SEC24D: variants seen among roughly 807,000 people sequenced by gnomAD.
SEC24D encodes SEC24 homolog D, COPII component, also known as protein transport protein Sec24D.
Under a neutral mutation model 116.9 loss-of-function variants are expected in SEC24D, and 69 were observed. The observed-to-expected ratio is 0.59, with a 90% CI of 0.49 to 0.72. The LOEUF (loss-of-function observed/expected upper bound fraction) is 0.72, where lower values mean the gene tolerates loss of function less well. Among genes scored for constraint, SEC24D ranks in the 30% least tolerant of loss-of-function variants. The pLI, the probability that SEC24D is intolerant of heterozygous loss-of-function variation, is 0.00. For synonymous variants in SEC24D, 405 were observed against 442.8 expected, an observed-to-expected ratio of 0.91 and a Z score of 1.07; for missense variants, 1,131 against 1,264.1, an observed-to-expected ratio of 0.89 and a Z score of 1.60.
chr4:118,757,454 T>C (rs1241784984), intron 11 of SEC24D, among the ~76,000 whole-genome samples: 11 of 152,212 alleles, frequency 7.2e-5, no homozygotes, highest in South Asian at 6.2e-4. Context: ...CCTACCACAC[T>C]GTTGGGATTC....
At position 118,744,091 on chromosome 4, in the gene SEC24D, G is replaced by C. The variant is rs757967628; in HGVS notation, c.1892C>G (p.Ser631Cys). 6.2e-7 allele frequency: 1 copy of C among 1,613,444 alleles called. No homozygotes were observed. Reference protein sequence around the residue: ...LAKDCVAHGCSVTLFLFPSQY... With the variant: ...LAKDCVAHGCCVTLFLFPSQY... Reference sequence around the variant, plus strand: ...ACTAGGAAAGAGGAAGAGTGTCACAGAGCAGCCGTGAGCCACGCAGTCCTT... The same window carrying C: ...ACTAGGAAAGAGGAAGAGTGTCACACAGCAGCCGTGAGCCACGCAGTCCTT... Residue 631 changes from serine (S) to cysteine (C), a missense_variant, in exon 15 of 23, where the codon TCT (serine) becomes TGT (cysteine). Transcript: ENST00000280551.
In SEC24D at chr4:118,752,715, G is replaced by T; in HGVS notation, c.1595C>A (p.Ser532Tyr). 1 of 1,602,340 alleles carries T rather than the reference G, an allele frequency of 6.2e-7. No individual in the cohort carries two copies. Among genetic ancestry groups the T allele is most frequent in the Non-Finnish European group, 8.5e-7 (1 of 1,176,114 alleles). The change falls in exon 12 of 23, where the codon TCC becomes TAC. Residue 532 changes from serine (S) to tyrosine (Y), a missense_variant. Physicochemically the swap from Ser to Tyr is moderately radical, Grantham distance 144. Coordinates refer to ENST00000280551, the MANE Select transcript of SEC24D (RefSeq NM_014822.4). ...LDGFLVNYQE[S>Y]QSVIHNLLDQ... ...TATTTACTTATGAATCACAGATTGGGATTCTTGATAGTTGACAAGGAAACC... is the reference window on the plus strand; with the variant it reads ...TATTTACTTATGAATCACAGATTGGTATTCTTGATAGTTGACAAGGAAACC...
At chr4:118,798,875 G>A (rs1210188409) in intron 7 of SEC24D, among the ~76,000 whole-genome samples, 1 of 152,262 alleles carries the variant, frequency 6.6e-6, no homozygotes, top group East Asian at 1.9e-4. Flanking sequence ...GGCCCATGGA[G>A]CTGGAATGGA....
At chr4:118,750,145 CTA>C (rs1251552393) in intron 13 of SEC24D, among the ~76,000 whole-genome samples, 3 of 152,166 alleles carry the variant, frequency 2.0e-5, no homozygotes, top group Admixed American at 6.5e-5. Context: ...GAGTTGGACT[CTA>C]GTAAACTGGC....
chr4:118,740,571 G>T, intron 17 of SEC24D, 92 bp downstream of exon 17: 1 of 1,392,316 alleles, frequency 7.2e-7, no homozygotes, highest in South Asian at 1.3e-5. Flanking sequence ...TTTATGAAGA[G>T]ACTAACACAT....
At chr4:118,742,276 G>A (rs1346316243) in intron 15 of SEC24D, among the ~76,000 whole-genome samples, 3 of 151,932 alleles carry the variant, frequency 2.0e-5, no homozygotes, top group Non-Finnish European at 4.4e-5. Flanking sequence ...CTACCATGTA[G>A]ATGATCACAC....
chr4:118,759,070 C>G (rs948348700), intron 10 of SEC24D, among the ~76,000 whole-genome samples: 4 of 152,202 alleles, frequency 2.6e-5, no homozygotes, highest in Non-Finnish European at 2.9e-5. Flanking sequence ...TTCTTTTAAT[C>G]TCTTCTATCA....
At chr4:118,793,539 G>A (rs1729040541) in intron 8 of SEC24D, among the ~76,000 whole-genome samples, 1 of 151,024 alleles carries the variant, frequency 6.6e-6, no homozygotes, top group Admixed American at 6.6e-5. Flanking sequence ...CTAGCTAGCT[G>A]GTGTAGTAGA....
intron 7 of SEC24D, among the ~76,000 whole-genome samples, chr4:118,802,004 G>C (rs960832415): frequency 6.6e-6 from 1 of 152,180 alleles, no homozygotes; most frequent in Non-Finnish European, 1.5e-5. Context: ...CTCCAGGAAA[G>C]GGCTTAGAAA....
intron 8 of SEC24D, among the ~76,000 whole-genome samples, chr4:118,779,309 T>A (rs1276022471): frequency 1.3e-5 from 2 of 152,222 alleles, no homozygotes; most frequent in Non-Finnish European, 2.9e-5. Context: ...GTTTTTAGCA[T>A]GAAGGGTTGT....
chr4:118,825,564 A>G, intron 2 of SEC24D: 1 of 456,228 alleles, frequency 2.2e-6, no homozygotes, highest in East Asian at 6.9e-5. Flanking sequence ...CTGGTTACTT[A>G]TTAGTTGTAT....
At chr4:118,790,607 T>C (rs939914034) in intron 8 of SEC24D, among the ~76,000 whole-genome samples, 1 of 151,990 alleles carries the variant, frequency 6.6e-6, no homozygotes, top group African/African-American at 2.4e-5. Flanking sequence ...AAACGTATGG[T>C]AAGGAATACG....
chr4:118,740,584 G>T, intron 17 of SEC24D, 79 bp downstream of exon 17: 1 of 1,450,410 alleles, frequency 6.9e-7, no homozygotes, highest in Non-Finnish European at 9.5e-7. Context: ...TAACACATTT[G>T]ATGGTATTTC....
chr4:118,761,701 T>C (rs1727384411), intron 10 of SEC24D, among the ~76,000 whole-genome samples: 1 of 152,244 alleles, frequency 6.6e-6, no homozygotes, highest in Admixed American at 6.5e-5. Flanking sequence ...ATTATCCTGG[T>C]CCATGTCACT....
chr4:118,821,009 C>T (rs1730379041), intron 3 of SEC24D, among the ~76,000 whole-genome samples: 1 of 152,104 alleles, frequency 6.6e-6, no homozygotes, highest in Non-Finnish European at 1.5e-5. Context: ...TTCAAGTTTG[C>T]AATAAATTGC....
chr4:118,724,283 G>GAA (rs991987594), intron 22 of SEC24D, among the ~76,000 whole-genome samples: 4 of 152,080 alleles, frequency 2.6e-5, no homozygotes, highest in African/African-American at 9.7e-5. Context: ...AACACACAGG[G>GAA]AAAACAGGGA....
intron 8 of SEC24D, among the ~76,000 whole-genome samples, chr4:118,794,046 G>A (rs962219850): frequency 6.6e-6 from 1 of 152,212 alleles, no homozygotes; most frequent in African/African-American, 2.4e-5. Context: ...AGATGAAAAT[G>A]CAGCACAAGT....
rs960645953 is a variant in SEC24D, at chr4:118,731,389, C to G, written c.2795G>C (p.Gly932Ala). ...GATCAGTTCTGGTGGGCTGCTTACTCCCAACCACAGGAACATGTGTAGACC... is the reference window on the plus strand; with the variant it reads ...GATCAGTTCTGGTGGGCTGCTTACTGCCAACCACAGGAACATGTGTAGACC... ...ANGLHMFLWLGVSSPPELIQG... is the reference protein window; with the variant it reads ...ANGLHMFLWLAVSSPPELIQG... The change falls in exon 21 of 23, where the codon GGA becomes GCA. Residue 932 changes from glycine (G) to alanine (A), a missense_variant. Gly to Ala is a moderately conservative substitution (Grantham distance 60). Transcript: ENST00000280551. 6.2e-7 allele frequency: 1 copy of G among 1,613,980 alleles called. No homozygotes were observed. The highest frequency in any genetic ancestry group is 1.3e-5 in the African/African-American group (1 of 74,926).
intron 6 of SEC24D, 64 bp from the exon 7 acceptor site, chr4:118,806,018 G>A: frequency 9.7e-7 from 1 of 1,034,252 alleles, no homozygotes; most frequent in Non-Finnish European, 1.5e-6. Flanking sequence ...ATTCCATTTA[G>A]AGAGTACCCT....
Sources: gnomAD v4.1 joint callset for allele counts (sites outside exome capture counted in the v4.1 genomes callset) on GRCh38, gnomAD v4.1.1 for gene constraint, MANE v1.5 for transcripts, NCBI Gene and HGNC (gene_info 2026-07-23, HGNC 2026-07-21) for gene names.